Variants in PCCA observed in about 807,000 individuals in gnomAD.
The protein encoded by PCCA is propionyl-CoA carboxylase alpha chain, mitochondrial.
In PCCA, 74 loss-of-function variants were observed where a neutral mutation model predicts 101.3. That is an observed-to-expected ratio of 0.73 (90% CI 0.61 to 0.89). The LOEUF is 0.89. PCCA is among the 40% of genes least tolerant of loss of function. The probability of loss-of-function intolerance (pLI) is 0.00; values close to 1 mark genes in which losing one functional copy is unlikely to be tolerated. For synonymous variants in PCCA, 294 were observed against 313.6 expected, an observed-to-expected ratio of 0.94 and a Z score of 0.66; for missense variants, 891 against 907.0, an observed-to-expected ratio of 0.98 and a Z score of 0.23.
chr13:100,120,771 C>A (rs566014379), intron 4 of PCCA, among the ~76,000 whole-genome samples: 1 of 151,962 alleles, frequency 6.6e-6, no homozygotes, highest in Non-Finnish European at 1.5e-5. Context: ...TAGGAAAGCA[C>A]GCTTATTATT....
intron 22 of PCCA, chr13:100,527,473 C>T (rs1338001063): frequency 3.4e-6 from 2 of 593,510 alleles, no homozygotes; most frequent in East Asian, 3.2e-5. Context: ...TTTTTTCCAA[C>T]GAGGACTTTA....
At chr13:100,153,354 A>G (rs2053561690) in intron 4 of PCCA, among the ~76,000 whole-genome samples, 1 of 152,216 alleles carries the variant, frequency 6.6e-6, no homozygotes, top group Non-Finnish European at 1.5e-5. Context: ...CAGAGTTTAG[A>G]TTAGAGGAGA....
At position 100,092,028 on chromosome 13, in the gene PCCA, C is replaced by T. The variant is rs1354951209; in HGVS notation, c.105+2803C>T. 2.6e-5 allele frequency among the ~76,000 whole-genome samples: 4 copies of T among 151,846 alleles called. No individual in the cohort carries two copies. In the East Asian group the frequency reaches 7.8e-4, roughly 30 times the overall value. ...CTCCACCTCCTGGGTTCAAGTGATT[C>T]CCTTGCCTCAGCCTCCCAAGTGGCT... On this transcript the variant is annotated intron_variant, in intron 1 of 23. Transcript: ENST00000376285.
At position 100,428,176 on chromosome 13, in the gene PCCA, C is replaced by T. The variant is rs144533011; in HGVS notation, c.1845+2445C>T. On this transcript the variant is annotated intron_variant, in intron 20 of 23. Coordinates refer to ENST00000376285, the MANE Select transcript of PCCA (RefSeq NM_000282.4). The stretch of plus-strand genomic sequence containing the variant: ...TGACCTCCCAGGCTCCAGCGATCCT[C>T]CCACCTGAGCCCCCCAGGTAGCTGG... Among the ~76,000 whole-genome samples the T allele has an allele frequency of 5.2e-3, 793 of 152,246 alleles. 4 individuals carry two copies. The highest frequency in any genetic ancestry group is 7.5e-3 in the Non-Finnish European group (509 of 68,010).
rs144008516 is a variant in PCCA, at chr13:100,186,752, A to C, written c.469-22580A>C. On this transcript the variant is annotated intron_variant, in intron 6 of 23. Coordinates refer to ENST00000376285, the MANE Select transcript of PCCA (RefSeq NM_000282.4). Reference sequence around the variant, plus strand: ...AGATTCCATCTCAAAAAAAAAACAAAAAAAAAAAGAAAATACAAAATAGGG... The same window carrying C: ...AGATTCCATCTCAAAAAAAAAACAACAAAAAAAAGAAAATACAAAATAGGG... Among the ~76,000 whole-genome samples the C allele has an allele frequency of 3.9e-3, 598 of 151,576 alleles. 11 individuals are homozygous for C. Among genetic ancestry groups the C allele is most frequent in the African/African-American group, 0.012 (482 of 41,418 alleles).
At chr13:100,323,761 A>G (rs1450901761) in intron 16 of PCCA, among the ~76,000 whole-genome samples, 1 of 152,170 alleles carries the variant, frequency 6.6e-6, no homozygotes, top group Admixed American at 6.6e-5. Context: ...CAGGATAGTA[A>G]TGTTCTTTTT....
intron 4 of PCCA, chr13:100,154,721 A>AT (rs1458209446): frequency 2.3e-6 from 1 of 438,404 alleles, no homozygotes; most frequent in African/African-American, 2.0e-5. Context: ...GTTTGCTGTG[A>AT]TTTTACATAA....
chr13:100,214,417 G>T (rs34300502), intron 7 of PCCA, among the ~76,000 whole-genome samples: 21,913 of 149,500 alleles, frequency 0.15, 1,738 homozygotes, highest in Middle Eastern at 0.23. Flanking sequence ...TTGTTTTTTT[G>T]TGTGTGTGTG....
At chr13:100,293,652 T>C (rs1595159109) in intron 12 of PCCA, among the ~76,000 whole-genome samples, 1 of 152,174 alleles carries the variant, frequency 6.6e-6, no homozygotes, top group East Asian at 1.9e-4. Context: ...TGAGCAAATG[T>C]TGACCTTTTT....
chr13:100,276,354 T>C (rs1221447782), intron 12 of PCCA, among the ~76,000 whole-genome samples: 3 of 152,166 alleles, frequency 2.0e-5, no homozygotes, highest in African/African-American at 7.2e-5. Flanking sequence ...TTGGACATAA[T>C]TGATTTTTCC....
intron 18 of PCCA, among the ~76,000 whole-genome samples, chr13:100,347,591 C>T (rs1488766567): frequency 6.6e-6 from 1 of 152,082 alleles, no homozygotes; most frequent in Non-Finnish European, 1.5e-5. Flanking sequence ...AGGGCAATTG[C>T]TTTATAAAGT....
intron 6 of PCCA, chr13:100,161,409 C>T (rs1476313376): frequency 6.6e-6 from 1 of 152,122 alleles, no homozygotes; most frequent in African/African-American, 2.4e-5. Context: ...TTCATAATAG[C>T]AAAATTTAGA....
chr13:100,131,317 C>T (rs1241617639), intron 4 of PCCA, among the ~76,000 whole-genome samples: 1 of 152,102 alleles, frequency 6.6e-6, no homozygotes, highest in Non-Finnish European at 1.5e-5. Context: ...TTCTTGGCCC[C>T]AGTCACAGGA....
chr13:100,328,283 A>T (rs1400925896), intron 16 of PCCA, among the ~76,000 whole-genome samples: 2 of 151,704 alleles, frequency 1.3e-5, no homozygotes, highest in Non-Finnish European at 2.9e-5. Context: ...GAATCGCTTG[A>T]ACCTAGGAGA....
chr13:100,360,463 T>C (rs2074451548), intron 18 of PCCA, among the ~76,000 whole-genome samples: 1 of 152,192 alleles, frequency 6.6e-6, no homozygotes, highest in Non-Finnish European at 1.5e-5. Flanking sequence ...GATCTACATG[T>C]AAAACATCTA....
intron 7 of PCCA, among the ~76,000 whole-genome samples, chr13:100,228,997 G>A (rs568345002): frequency 6.6e-6 from 1 of 150,744 alleles, no homozygotes; most frequent in South Asian, 2.1e-4. Context: ...ACATTGAAAT[G>A]AGCTGCTTTC....
chr13:100,468,749 G>T (rs1389138293), intron 21 of PCCA, among the ~76,000 whole-genome samples: 2 of 152,146 alleles, frequency 1.3e-5, no homozygotes, highest in Non-Finnish European at 2.9e-5. Context: ...CTTAGGCTGG[G>T]CACAGTGGTT....
chr13:100,314,992 A>G (rs1383975936), intron 16 of PCCA, among the ~76,000 whole-genome samples: 4 of 152,202 alleles, frequency 2.6e-5, no homozygotes, highest in East Asian at 1.9e-4. Context: ...TGATTATAGA[A>G]GAGATATACC....
At chr13:100,367,537 A>G (rs1020338654) in intron 18 of PCCA, among the ~76,000 whole-genome samples, 2 of 151,882 alleles carry the variant, frequency 1.3e-5, no homozygotes, top group South Asian at 2.1e-4. Flanking sequence ...ATGTTGTCCT[A>G]TTATATAATA....
Sources: allele counts gnomAD v4.1 joint callset (sites outside exome capture counted in the v4.1 genomes callset), GRCh38; gene constraint gnomAD v4.1.1; transcripts MANE v1.5; gene names NCBI Gene and HGNC (gene_info 2026-07-23, HGNC 2026-07-21).